Variants in NRXN3 observed in about 807,000 individuals in gnomAD.
The protein encoded by NRXN3 is neurexin 3, also known as neurexin III.
In NRXN3, 32 loss-of-function variants were observed where a neutral mutation model predicts 137.6. The observed-to-expected ratio is 0.23, with a 90% confidence interval of 0.18 to 0.31. The LOEUF is 0.31. NRXN3 is among the 10% of genes least tolerant of loss of function. NRXN3 has a pLI of 1.00. For missense variants in NRXN3, 1,574 were observed against 2,062.5 expected (o/e 0.76, Z 4.59); for synonymous variants, 798 against 784.5 (o/e 1.02, Z -0.29).
intron 15 of NRXN3, among the ~76,000 whole-genome samples, chr14:79,356,578 A>G (rs899267329): frequency 3.3e-5 from 5 of 152,206 alleles, no homozygotes; most frequent in Non-Finnish European, 5.9e-5. Flanking sequence ...GAACAAATTT[A>G]CTAGCATCTC....
chr14:78,862,034 A>G (rs1182007157), intron 10 of NRXN3, among the ~76,000 whole-genome samples: 1 of 152,164 alleles, frequency 6.6e-6, no homozygotes, highest in East Asian at 1.9e-4. Flanking sequence ...TTTACATTCC[A>G]GTTGTACTAG....
At chr14:79,548,078 T>G (rs888886528) in intron 16 of NRXN3, among the ~76,000 whole-genome samples, 21 of 152,274 alleles carry the variant, frequency 1.4e-4, no homozygotes, top group African/African-American at 4.8e-4. Context: ...GGGATACATG[T>G]GCAGAAGGTG....
chr14:79,582,135 G>A (rs1196543611), intron 16 of NRXN3, among the ~76,000 whole-genome samples: 1 of 152,138 alleles, frequency 6.6e-6, no homozygotes, highest in Non-Finnish European at 1.5e-5. Flanking sequence ...TAGAGACAAA[G>A]TCTTGCTATG....
chr14:78,975,390 T>G (rs1392580954), intron 14 of NRXN3, among the ~76,000 whole-genome samples: 2 of 152,120 alleles, frequency 1.3e-5, no homozygotes, highest in African/African-American at 4.8e-5. Context: ...TAATTGGGAA[T>G]CTACAAGAAG....
chr14:79,370,398 A>G (rs1449797314), intron 15 of NRXN3, among the ~76,000 whole-genome samples: 1 of 148,320 alleles, frequency 6.7e-6, no homozygotes, highest in Non-Finnish European at 1.5e-5. Context: ...GGCTCACTGC[A>G]ACCTCTGCCT....
chr14:79,309,177 C>T (rs1417398136), intron 15 of NRXN3, among the ~76,000 whole-genome samples: 2 of 55,420 alleles, frequency 3.6e-5, no homozygotes, highest in Non-Finnish European at 6.6e-5. Context: ...TGAGAATATG[C>T]GGTGTTTGGT....
chr14:79,231,563 T>A (rs932680697), intron 15 of NRXN3, among the ~76,000 whole-genome samples: 2 of 152,170 alleles, frequency 1.3e-5, no homozygotes, highest in African/African-American at 4.8e-5. Context: ...AATGCTAATT[T>A]GTTTCTCCAG....
At chr14:78,311,301 T>G (rs191245713) in intron 4 of NRXN3, among the ~76,000 whole-genome samples, 119 of 152,290 alleles carry the variant, frequency 7.8e-4, no homozygotes, top group South Asian at 1.5e-3. Context: ...ATGAGTTAAG[T>G]AACTTCTTAG....
intron 2 of NRXN3, among the ~76,000 whole-genome samples, chr14:78,253,546 A>G (rs2068989625): frequency 6.6e-6 from 1 of 152,144 alleles, no homozygotes; most frequent in South Asian, 2.1e-4. Flanking sequence ...AAAGTGGTGC[A>G]TGCCTGTGGT....
chr14:78,176,041 C>G (rs1393594776), intron 1 of NRXN3, among the ~76,000 whole-genome samples: 5 of 152,288 alleles, frequency 3.3e-5, no homozygotes, highest in African/African-American at 1.2e-4. Flanking sequence ...AGGTGCTCAA[C>G]AAATGTTTGT....
intron 15 of NRXN3, among the ~76,000 whole-genome samples, chr14:79,374,259 C>A (rs949851563): frequency 6.6e-6 from 1 of 152,064 alleles, no homozygotes; most frequent in African/African-American, 2.4e-5. Flanking sequence ...ACAGATGACT[C>A]CCTGTTGGCC....
intron 15 of NRXN3, among the ~76,000 whole-genome samples, chr14:79,330,288 G>A (rs560959535): frequency 6.6e-6 from 1 of 152,208 alleles, no homozygotes; most frequent in East Asian, 1.9e-4. Flanking sequence ...TTGCAATGAT[G>A]GAAATATTTG....
intron 16 of NRXN3, among the ~76,000 whole-genome samples, chr14:79,619,662 C>T (rs2098200579): frequency 6.6e-6 from 1 of 152,028 alleles, no homozygotes. Flanking sequence ...CTCAGAATTA[C>T]ACAGAATACA....
At chr14:78,884,754 A>G (rs759484660) in intron 10 of NRXN3, among the ~76,000 whole-genome samples, 3 of 152,184 alleles carry the variant, frequency 2.0e-5, no homozygotes, top group Non-Finnish European at 4.4e-5. Flanking sequence ...GTGAAGGGAA[A>G]GTTGAAGCCA....
At chr14:79,500,222 G>A (rs1490104666) in intron 16 of NRXN3, among the ~76,000 whole-genome samples, 1 of 107,422 alleles carries the variant, frequency 9.3e-6, no homozygotes, top group Non-Finnish European at 1.9e-5. Flanking sequence ...AATGAGATCT[G>A]GAGAAAAAGA....
chr14:78,586,330 A>G (rs2152384311), intron 4 of NRXN3, among the ~76,000 whole-genome samples: 1 of 152,164 alleles, frequency 6.6e-6, no homozygotes, highest in East Asian at 1.9e-4. Context: ...GAATAGCCAG[A>G]GAGGAAAGAA....
At chr14:78,647,772 A>G (rs1182556294) in intron 5 of NRXN3, among the ~76,000 whole-genome samples, 1 of 152,246 alleles carries the variant, frequency 6.6e-6, no homozygotes. Context: ...AATTATTTTA[A>G]TGTGAATAAT....
chr14:79,210,124 A>AAAC (rs2067424971), intron 15 of NRXN3, among the ~76,000 whole-genome samples: 1 of 152,136 alleles, frequency 6.6e-6, no homozygotes, highest in Non-Finnish European at 1.5e-5. Flanking sequence ...CCTTTGGGTA[A>AAAC]CCACCTTAAT....
chr14:79,340,442 A>G (rs144075037), intron 15 of NRXN3, among the ~76,000 whole-genome samples: 139 of 152,124 alleles, frequency 9.1e-4, no homozygotes, highest in African/African-American at 3.3e-3. Flanking sequence ...ATAAAATTGG[A>G]TATTTGACTT....
Sources: allele counts gnomAD v4.1 joint callset (sites outside exome capture counted in the v4.1 genomes callset), GRCh38; gene constraint gnomAD v4.1.1; transcripts MANE v1.5; gene names NCBI Gene and HGNC (gene_info 2026-07-23, HGNC 2026-07-21).